Variants in FAM228B observed in about 807,000 individuals in gnomAD.
FAM228B encodes family with sequence similarity 228 member B, also known as protein FAM228B.
Under a neutral mutation model 42.6 loss-of-function variants are expected in FAM228B, and 38 were observed. The ratio of observed to expected loss-of-function variants is 0.89; its 90% CI spans 0.69 to 1.17. The LOEUF is 1.17. Ranked by LOEUF, FAM228B falls within the 50% of genes most tolerant of loss-of-function variation. The probability of loss-of-function intolerance (pLI) is 0.00; values close to 1 mark genes in which losing one functional copy is unlikely to be tolerated. For missense variants in FAM228B, 344 were observed against 367.3 expected (o/e 0.94, Z 0.52); for synonymous variants, 109 against 122.3 (o/e 0.89, Z 0.72).
At chr2:24,148,142 G>A (rs1666940199) in intron 7 of FAM228B, among the ~76,000 whole-genome samples, 1 of 152,078 alleles carries the variant, frequency 6.6e-6, no homozygotes, top group African/African-American at 2.4e-5. Flanking sequence ...TACCTCCAGT[G>A]GTTAGGCTGC....
intron 5 of FAM228B, among the ~76,000 whole-genome samples, chr2:24,140,206 T>C (rs1666711084): frequency 6.6e-6 from 1 of 152,216 alleles, no homozygotes; most frequent in African/African-American, 2.4e-5. Flanking sequence ...AGAGGGAGTC[T>C]CACTCTGTCA....
chr2:24,106,045 A>ACC (rs1665691664), intron 3 of FAM228B, among the ~76,000 whole-genome samples: 1 of 152,226 alleles, frequency 6.6e-6, no homozygotes, highest in African/African-American at 2.4e-5. Flanking sequence ...AACATATTTT[A>ACC]GGATAATGTT....
upstream of FAM228B, among the ~76,000 whole-genome samples, chr2:24,120,009 C>A (rs1385782484): frequency 6.6e-6 from 1 of 152,172 alleles, no homozygotes; most frequent in Non-Finnish European, 1.5e-5. Context: ...TGGCTCCCGC[C>A]TGTAATCCCA....
At chr2:24,145,203 CACTGTAT>C (rs1004761101) in intron 5 of FAM228B, among the ~76,000 whole-genome samples, 3 of 152,206 alleles carry the variant, frequency 2.0e-5, no homozygotes, top group African/African-American at 7.2e-5. Context: ...ACACCGGTGC[CACTGTAT>C]ACTGCTCTGA....
In FAM228B at chr2:24,157,793, C is replaced by A. The variant is rs555761699; in HGVS notation, c.687-3713C>A. ...TACCCTAGACAAATGAAGTCAGAATCTCTGAGGGTGGGACCTACACATCAG... is the reference window on the plus strand; with the variant it reads ...TACCCTAGACAAATGAAGTCAGAATATCTGAGGGTGGGACCTACACATCAG... On this transcript the variant is annotated intron_variant, in intron 7 of 10. Transcript: ENST00000615575. 3.3e-5 allele frequency among the ~76,000 whole-genome samples: 5 copies of A among 152,086 alleles called. No homozygotes were observed. In the South Asian group the frequency reaches 1.0e-3, roughly 32 times the overall value.
rs1002918130 is a variant in FAM228B at position 24,169,140 on chromosome 2, T to G, written c.*15-216T>G. Among the ~76,000 whole-genome samples, 4 of 152,206 alleles carry G rather than the reference T, an allele frequency of 2.6e-5. No individual in the cohort carries two copies. The highest frequency in any genetic ancestry group is 9.7e-5 in the African/African-American group (4 of 41,432). On this transcript the variant is annotated intron_variant, in intron 10 of 10. Transcript: ENST00000615575. This position sits in a 1 kb window ranked among gnomAD's most constrained non-coding sequence, Gnocchi z 4.2. ...GATCCACCCCATCTATTTGACCATGTCCCTGAATCTCTCAGTGCTTCTGAC... is the reference window on the plus strand; with the variant it reads ...GATCCACCCCATCTATTTGACCATGGCCCTGAATCTCTCAGTGCTTCTGAC...
chr2:24,122,469 G>C (rs1208853872), upstream of FAM228B: 1 of 1,614,034 alleles, frequency 6.2e-7, no homozygotes, highest in Admixed American at 1.7e-5. Flanking sequence ...ATTTTGATGA[G>C]GGCTGCACTG....
At chr2:24,085,146 C>T (rs1665202768) in intron 2 of FAM228B, 1 of 152,080 alleles carries the variant, frequency 6.6e-6, no homozygotes, top group Admixed American at 6.6e-5. Flanking sequence ...ATGTAACAGG[C>T]TGGCATCCCG....
intron 1 of FAM228B, among the ~76,000 whole-genome samples, chr2:24,123,782 C>G (rs758425068): frequency 1.3e-5 from 2 of 151,816 alleles, no homozygotes; most frequent in African/African-American, 4.8e-5. Flanking sequence ...CGCAGGCGCC[C>G]GGCCTAGTGG....
intron 3 of FAM228B, chr2:24,115,740 C>T: frequency 3.1e-6 from 3 of 971,086 alleles, no homozygotes; most frequent in Middle Eastern, 2.1e-4. Context: ...GTGCTAGGTA[C>T]TGGAGAAACA....
At chr2:24,121,307 A>C (rs765897780), upstream of FAM228B, 3 of 1,613,724 alleles carry the variant, frequency 1.9e-6, no homozygotes, top group Non-Finnish European at 1.7e-6. Context: ...TTACCTGGAG[A>C]GGTTACATGG....
chr2:24,128,408 T>C (rs1666367239), intron 2 of FAM228B, among the ~76,000 whole-genome samples: 2 of 152,094 alleles, frequency 1.3e-5, no homozygotes, highest in South Asian at 2.1e-4. Context: ...TTTTCAAACA[T>C]TTTTTTCTGT....
chr2:24,160,714 T>C (rs935520324), intron 7 of FAM228B, among the ~76,000 whole-genome samples: 5 of 152,222 alleles, frequency 3.3e-5, no homozygotes, highest in African/African-American at 1.2e-4. Context: ...TTCTATGTTT[T>C]CTCTGTGCCA....
chr2:24,084,424 G>A lies in FAM228B; in HGVS notation c.-210+3469G>A. The A allele has an allele frequency of 3.6e-6, 5 of 1,376,258 alleles. No homozygotes were observed. The highest frequency in any genetic ancestry group is 5.4e-5 in the East Asian group (2 of 37,302). The allele number at this position is 1,376,258 out of a possible 1,614,324, so 85.3% of individuals were successfully genotyped here. A position where few individuals can be genotyped will look rare whatever the true frequency, so the allele number is the denominator to read the frequency against. ...GGCAGGACAGGACAGGGCAGGGGCCGCTGTATCCTCGCGGAGCAGCCCAGC... is the reference window on the plus strand; with the variant it reads ...GGCAGGACAGGACAGGGCAGGGGCCACTGTATCCTCGCGGAGCAGCCCAGC... On this transcript the variant is annotated intron_variant, in intron 2 of 10. Coordinates refer to the FAM228B transcript ENST00000613899. The surrounding 1 kb of genome is among the most constrained non-coding windows in gnomAD (Gnocchi z 8.4).
At chr2:24,097,795 T>A (rs1157429300) in intron 3 of FAM228B, among the ~76,000 whole-genome samples, 1 of 152,198 alleles carries the variant, frequency 6.6e-6, no homozygotes. Flanking sequence ...AATAGACATC[T>A]ACATAACTCT....
chr2:24,128,641 C>G (rs1666372119), intron 2 of FAM228B, among the ~76,000 whole-genome samples: 1 of 151,704 alleles, frequency 6.6e-6, no homozygotes, highest in African/African-American at 2.4e-5. Flanking sequence ...TGATTAAATG[C>G]AAGACTGTGA....
At chr2:24,081,727 C>A (rs898123974) in intron 2 of FAM228B, among the ~76,000 whole-genome samples, 1 of 146,936 alleles carries the variant, frequency 6.8e-6, no homozygotes, top group African/African-American at 2.5e-5. Flanking sequence ...CTCACTCTGT[C>A]ACCCAGGCTG....
intron 2 of FAM228B, among the ~76,000 whole-genome samples, chr2:24,130,019 G>A (rs1010264166): frequency 2.6e-5 from 4 of 152,110 alleles, no homozygotes; most frequent in Non-Finnish European, 4.4e-5. Context: ...GGGTCCATGT[G>A]TTCTCATTGT....
At chr2:24,099,806 A>G (rs1665570432) in intron 3 of FAM228B, among the ~76,000 whole-genome samples, 1 of 152,096 alleles carries the variant, frequency 6.6e-6, no homozygotes, top group Non-Finnish European at 1.5e-5. Context: ...ACCCCCCATT[A>G]CCAAGACAAT....
Sources: gnomAD v4.1 joint callset for allele counts (sites outside exome capture counted in the v4.1 genomes callset) on GRCh38, gnomAD v4.1.1 for gene constraint, Gnocchi (gnomAD v3.1) non-coding constraint, MANE v1.5 for transcripts, NCBI Gene and HGNC (gene_info 2026-07-23, HGNC 2026-07-21) for gene names.